CNTNAP2: variants seen among roughly 807,000 people sequenced by gnomAD.
CNTNAP2 encodes contactin associated protein 2.
Under a neutral mutation model 155.2 loss-of-function variants are expected in CNTNAP2, and 98 were observed. That is an observed-to-expected ratio of 0.63 (90% confidence interval 0.54 to 0.75). The LOEUF (loss-of-function observed/expected upper bound fraction) is 0.75, where lower values mean the gene tolerates loss of function less well. Among genes scored for constraint, CNTNAP2 ranks in the 30% least tolerant of loss-of-function variants. The pLI, the probability that CNTNAP2 is intolerant of heterozygous loss-of-function variation, is 0.00. For synonymous variants in CNTNAP2, 651 were observed against 631.2 expected, an observed-to-expected ratio of 1.03 and a Z score of -0.47; for missense variants, 1,727 against 1,688.1, an observed-to-expected ratio of 1.02 and a Z score of -0.40.
intron 9 of CNTNAP2, among the ~76,000 whole-genome samples, chr7:147,314,605 T>G (rs1241246789): frequency 4.9e-5 from 7 of 143,148 alleles, no homozygotes; most frequent in African/African-American, 1.8e-4. Flanking sequence ...CTATATGGTA[T>G]TATTTCCAGG....
chr7:147,072,622 C>T (rs1215805883), intron 4 of CNTNAP2, among the ~76,000 whole-genome samples: 1 of 152,080 alleles, frequency 6.6e-6, no homozygotes, highest in Non-Finnish European at 1.5e-5. Flanking sequence ...AAGGTAAAAT[C>T]TACAGAACTT....
At position 146,748,246 on chromosome 7, in the gene CNTNAP2, C is replaced by A. The variant is rs540179739; in HGVS notation, c.98-26025C>A. On this transcript the variant is annotated intron_variant, in intron 1 of 23. Coordinates refer to ENST00000361727, the MANE Select transcript of CNTNAP2 (RefSeq NM_014141.6). The stretch of plus-strand genomic sequence containing the variant: ...CTGCAAGCTCTGCTTCCCGGGTTCA[C>A]GCCATTCTCCCGCCTCAGCCTCCGG... Among the ~76,000 whole-genome samples, 7 of 149,632 alleles carry A rather than the reference C, an allele frequency of 4.7e-5. 1 individual carries two copies. The highest frequency in any genetic ancestry group is 4.4e-5 in the Non-Finnish European group (3 of 67,676).
In CNTNAP2 at chr7:146,984,112, A is replaced by G. The variant is rs183316513; in HGVS notation, c.403-59795A>G. On this transcript the variant is annotated intron_variant, in intron 3 of 23. Transcript: ENST00000361727. ...GCCAGGCGCGGTGGCTCATGCCTGT[A>G]ATCCCAGCACTTTGGGAGGCTGAGG... Among the ~76,000 whole-genome samples, 395 of 152,168 alleles carry G rather than the reference A, an allele frequency of 2.6e-3. 3 individuals carry two copies. The Middle Eastern group carries it at 0.041, about 16-fold the overall frequency.
intron 1 of CNTNAP2, among the ~76,000 whole-genome samples, chr7:146,418,114 C>T (rs2129112809): frequency 6.6e-6 from 1 of 152,296 alleles, no homozygotes; most frequent in South Asian, 2.1e-4. Flanking sequence ...TAGTCTTCCT[C>T]ATCTGTGAAA....
intron 12 of CNTNAP2, among the ~76,000 whole-genome samples, chr7:147,592,490 T>TTTG (rs1554409005): frequency 1.3e-5 from 2 of 150,844 alleles, no homozygotes; most frequent in African/African-American, 4.9e-5. Flanking sequence ...TTTTTTTTTT[T>TTTG]GCAAATGATT....
At chr7:148,328,830 G>A (rs1797936800) in intron 21 of CNTNAP2, among the ~76,000 whole-genome samples, 1 of 151,792 alleles carries the variant, frequency 6.6e-6, no homozygotes, top group Non-Finnish European at 1.5e-5. Context: ...ACAAAAATTA[G>A]CCGGGCATGG....
Position 146,232,149 on chromosome 7 carries a change from A to AATGGAAT in CNTNAP2, c.97+115176_97+115177insATGGAAT, listed in dbSNP as rs1285628102. On this transcript the variant is annotated intron_variant, in intron 1 of 23. Transcript: ENST00000361727. ...GAAGGATTTAAATCTGAGTTGATTAACAAGATGATATCCTTCATGGAAAAA... is the reference window on the plus strand; with the variant it reads ...GAAGGATTTAAATCTGAGTTGATTAAATGGAATCAAGATGATATCCTTCATGGAAAAA... Among the ~76,000 whole-genome samples, 722 of 152,180 alleles carry AATGGAAT rather than the reference A, an allele frequency of 4.7e-3. 5 individuals are homozygous for AATGGAAT. The highest frequency in any genetic ancestry group is 0.016 in the African/African-American group (683 of 41,524).
chr7:146,572,222 C>T (rs1240668634), intron 1 of CNTNAP2, among the ~76,000 whole-genome samples: 1 of 149,720 alleles, frequency 6.7e-6, no homozygotes, highest in African/African-American at 2.4e-5. Context: ...GCTGCCAAAA[C>T]GTATTTGAGC....
At chr7:146,674,058 A>T in intron 1 of CNTNAP2, among the ~76,000 whole-genome samples, 1 of 152,174 alleles carries the variant, frequency 6.6e-6, no homozygotes, top group Non-Finnish European at 1.5e-5. Context: ...GCATGATGTC[A>T]CCAAATCGTA....
chr7:147,044,814 T>C (rs1346415870), intron 4 of CNTNAP2, among the ~76,000 whole-genome samples: 7 of 152,118 alleles, frequency 4.6e-5, no homozygotes, highest in Non-Finnish European at 8.8e-5. Flanking sequence ...TTTATCCTTA[T>C]CCTTATGCTT....
rs1031906324 is a variant in CNTNAP2, at chr7:147,075,231, A to G, written c.550+31177A>G. On this transcript the variant is annotated intron_variant, in intron 4 of 23. Coordinates refer to ENST00000361727, the MANE Select transcript of CNTNAP2 (RefSeq NM_014141.6). ...TGTTTGTACTTTGTGTGGGTAAACA[A>G]TATTGATTGCACATCTAGTTGAAAT... Among the ~76,000 whole-genome samples, 5 of 152,200 alleles carry G rather than the reference A, an allele frequency of 3.3e-5. 1 individual carries two copies. The highest frequency in any genetic ancestry group is 2.0e-4 in the Admixed American group (3 of 15,278).
intron 1 of CNTNAP2, among the ~76,000 whole-genome samples, chr7:146,345,665 C>T (rs1293653310): frequency 3.3e-5 from 5 of 152,152 alleles, no homozygotes; most frequent in Admixed American, 3.3e-4. Context: ...ACTTCACTTT[C>T]AATATGCAAT....
intron 21 of CNTNAP2, among the ~76,000 whole-genome samples, chr7:148,357,003 G>T (rs1000387177): frequency 6.6e-6 from 1 of 151,944 alleles, no homozygotes; most frequent in African/African-American, 2.4e-5. Context: ...GATATATACT[G>T]TAGGAGACCT....
intron 8 of CNTNAP2, among the ~76,000 whole-genome samples, chr7:147,214,975 G>A (rs1232612989): frequency 1.3e-5 from 2 of 152,052 alleles, no homozygotes; most frequent in Non-Finnish European, 2.9e-5. Flanking sequence ...GAGCAAAGAA[G>A]GAAACCACCA....
intron 1 of CNTNAP2, among the ~76,000 whole-genome samples, chr7:146,369,539 A>G (rs1400771002): frequency 6.6e-6 from 1 of 152,194 alleles, no homozygotes; most frequent in Non-Finnish European, 1.5e-5. Flanking sequence ...GTTAAAATGT[A>G]TAACAGTTCT....
intron 20 of CNTNAP2, among the ~76,000 whole-genome samples, chr7:148,240,890 A>G (rs1796131493): frequency 1.3e-5 from 2 of 152,192 alleles, no homozygotes; most frequent in African/African-American, 4.8e-5. Context: ...AGATGCAGCC[A>G]GTCCAGTCCT....
chr7:146,751,107 T>C (rs1801895466), intron 1 of CNTNAP2, among the ~76,000 whole-genome samples: 2 of 151,964 alleles, frequency 1.3e-5, no homozygotes, highest in South Asian at 4.1e-4. Flanking sequence ...TCTCAAAGAG[T>C]CTTAATAGCA....
chr7:147,302,509 G>A (rs924907329), intron 9 of CNTNAP2, among the ~76,000 whole-genome samples: 5 of 152,158 alleles, frequency 3.3e-5, no homozygotes, highest in African/African-American at 4.8e-5. Context: ...TAATGATCAC[G>A]ATGCTTGTTT....
At chr7:146,448,574 G>A (rs564323127) in intron 1 of CNTNAP2, among the ~76,000 whole-genome samples, 35 of 151,264 alleles carry the variant, frequency 2.3e-4, no homozygotes, top group African/African-American at 4.8e-4. Flanking sequence ...TACAGTAATC[G>A]TTTGTTAAAA....
Sources: allele counts gnomAD v4.1 joint callset (sites outside exome capture counted in the v4.1 genomes callset), GRCh38; gene constraint gnomAD v4.1.1; transcripts MANE v1.5; gene names NCBI Gene and HGNC (gene_info 2026-07-23, HGNC 2026-07-21).